Variants in DSCAM observed in about 807,000 individuals in gnomAD.
DSCAM encodes DS cell adhesion molecule.
In DSCAM, 47 loss-of-function variants were observed where a neutral mutation model predicts 217.7. The observed-to-expected ratio is 0.22, with a 90% CI of 0.17 to 0.28. The LOEUF (loss-of-function observed/expected upper bound fraction) is 0.28, where lower values mean the gene tolerates loss of function less well. Ranked by LOEUF, DSCAM falls within the 10% of genes least tolerant of loss-of-function variation. The pLI, the probability that DSCAM is intolerant of heterozygous loss-of-function variation, is 1.00. For synonymous variants in DSCAM, 1,056 were observed against 1,015.3 expected, an observed-to-expected ratio of 1.04 and a Z score of -0.76; for missense variants, 2,080 against 2,618.3, an observed-to-expected ratio of 0.79 and a Z score of 4.49.
chr21:40,192,807 T>A (rs1295025555), intron 11 of DSCAM, among the ~76,000 whole-genome samples: 3 of 152,218 alleles, frequency 2.0e-5, no homozygotes, highest in Admixed American at 1.3e-4. Context: ...TGCATTTTTT[T>A]AAATCCACTC....
intron 3 of DSCAM, among the ~76,000 whole-genome samples, chr21:40,588,491 G>A (rs1208353879): frequency 6.6e-6 from 1 of 152,134 alleles, no homozygotes; most frequent in Non-Finnish European, 1.5e-5. Context: ...TCAGCAAGTG[G>A]TGATGAGGAA....
Position 40,692,848 on chromosome 21 carries a change from A to G in DSCAM, c.470T>C (p.Val157Ala). The G allele has an allele frequency of 6.2e-7, 1 of 1,613,926 alleles. No individual in the cohort carries two copies. Among genetic ancestry groups the G allele is most frequent in the Non-Finnish European group, 8.5e-7 (1 of 1,179,884 alleles). ...AACAGTGTCTTTCTCCCATGAGACG[A>G]CAGTGATGTACGCCTCCACCGAGGA... is the stretch of plus-strand genomic sequence containing the variant. ...IPSSVEAYIT[V>A]VSWEKDTVSL... The change falls in exon 3 of 33, where the codon GTC becomes GCC. Residue 157 changes from valine to alanine, a missense_variant. Coordinates refer to ENST00000400454, the MANE Select transcript of DSCAM (RefSeq NM_001389.5).
chr21:40,486,859 C>A (rs1256424385), intron 3 of DSCAM, among the ~76,000 whole-genome samples: 1 of 152,148 alleles, frequency 6.6e-6, no homozygotes, highest in Admixed American at 6.5e-5. Context: ...ATTTGTAGGA[C>A]ACCTGCCCTC....
chr21:40,348,012 G>A, intron 5 of DSCAM, 67 bp from the exon 6 acceptor site: 1 of 1,508,798 alleles, frequency 6.6e-7, no homozygotes, highest in East Asian at 2.3e-5. Context: ...TCGACAACAG[G>A]CTGGACTTTC....
chr21:40,582,726 A>G (rs191320976), intron 3 of DSCAM, among the ~76,000 whole-genome samples: 1 of 152,260 alleles, frequency 6.6e-6, no homozygotes, highest in East Asian at 1.9e-4. Flanking sequence ...TTTTACTAAT[A>G]AGTACTTACT....
intron 20 of DSCAM, among the ~76,000 whole-genome samples, chr21:40,098,012 A>C (rs928709371): frequency 6.8e-6 from 1 of 147,582 alleles, no homozygotes; most frequent in African/African-American, 2.5e-5. Flanking sequence ...GAAAGAAAGA[A>C]AGAAATGTAC....
intron 3 of DSCAM, among the ~76,000 whole-genome samples, chr21:40,491,760 C>A (rs1450473154): frequency 6.6e-6 from 1 of 152,126 alleles, no homozygotes; most frequent in Non-Finnish European, 1.5e-5. Flanking sequence ...CTGAAAAGCT[C>A]TTCCTCTAAA....
intron 11 of DSCAM, among the ~76,000 whole-genome samples, chr21:40,252,370 T>G (rs1311354591): frequency 6.6e-6 from 1 of 152,202 alleles, no homozygotes; most frequent in Non-Finnish European, 1.5e-5. Flanking sequence ...TAGCTTAAGT[T>G]ATGAGGAGTA....
At chr21:40,477,187 A>G (rs911132628) in intron 3 of DSCAM, among the ~76,000 whole-genome samples, 1 of 152,214 alleles carries the variant, frequency 6.6e-6, no homozygotes, top group African/African-American at 2.4e-5. Flanking sequence ...CATTCATACA[A>G]TATTCACAAA....
At chr21:40,225,341 T>C (rs1017191097) in intron 11 of DSCAM, among the ~76,000 whole-genome samples, 13 of 152,264 alleles carry the variant, frequency 8.5e-5, no homozygotes, top group Admixed American at 6.5e-4. Flanking sequence ...ACATCTGCCT[T>C]GTGTTTAGAA....
At chr21:40,243,355 A>T (rs572565717) in intron 11 of DSCAM, among the ~76,000 whole-genome samples, 3 of 152,346 alleles carry the variant, frequency 2.0e-5, no homozygotes, top group African/African-American at 7.2e-5. Context: ...TTGCTTTGGT[A>T]AAAAAGCACA....
At chr21:40,810,250 T>C (rs1292155099) in intron 1 of DSCAM, among the ~76,000 whole-genome samples, 1 of 152,192 alleles carries the variant, frequency 6.6e-6, no homozygotes, top group African/African-American at 2.4e-5. Context: ...CCTGAGGAGC[T>C]AGAACGTTGC....
At chr21:40,557,199 G>A (rs1047958149) in intron 3 of DSCAM, among the ~76,000 whole-genome samples, 8 of 152,088 alleles carry the variant, frequency 5.3e-5, no homozygotes, top group African/African-American at 1.9e-4. Context: ...AGTGTTGGGA[G>A]GTGGGGCCAA....
intron 32 of DSCAM, among the ~76,000 whole-genome samples, chr21:40,042,162 G>A (rs1264857189): frequency 1.3e-5 from 2 of 152,166 alleles, no homozygotes; most frequent in Non-Finnish European, 2.9e-5. Flanking sequence ...ACCCTCACTA[G>A]GTCCCGCCCA....
intron 24 of DSCAM, among the ~76,000 whole-genome samples, chr21:40,081,431 G>A (rs753254824): frequency 2.0e-5 from 3 of 152,028 alleles, no homozygotes; most frequent in African/African-American, 7.3e-5. Context: ...TCCTTCTGAG[G>A]TCATTGTCAG....
intron 1 of DSCAM, among the ~76,000 whole-genome samples, chr21:40,738,074 C>T (rs764760842): frequency 2.6e-5 from 4 of 152,132 alleles, no homozygotes; most frequent in Admixed American, 2.0e-4. Context: ...ATGCATTTCA[C>T]GACAGTCTTG....
chr21:40,036,642 G>A (rs879057590), intron 32 of DSCAM, among the ~76,000 whole-genome samples: 1 of 147,510 alleles, frequency 6.8e-6, no homozygotes, highest in African/African-American at 2.6e-5. Flanking sequence ...TAGAAAAAGA[G>A]GGAATCCTCC....
chr21:40,632,223 C>T (rs1469243217), intron 3 of DSCAM, among the ~76,000 whole-genome samples: 1 of 152,028 alleles, frequency 6.6e-6, no homozygotes, highest in African/African-American at 2.4e-5. Flanking sequence ...AATAAAACTA[C>T]CCCCAAGACA....
chr21:40,098,506 C>A (rs564211266), intron 20 of DSCAM, among the ~76,000 whole-genome samples: 3 of 152,312 alleles, frequency 2.0e-5, no homozygotes, highest in East Asian at 3.9e-4. Flanking sequence ...GGCCTCTGGT[C>A]CCAAGTCTGG....
Sources: gnomAD v4.1 joint callset for allele counts (sites outside exome capture counted in the v4.1 genomes callset) on GRCh38, gnomAD v4.1.1 for gene constraint, MANE v1.5 for transcripts, NCBI Gene and HGNC (gene_info 2026-07-23, HGNC 2026-07-21) for gene names.